Variants in CNTLN observed in about 807,000 individuals in gnomAD.
CNTLN encodes centlein, centrosomal protein.
A neutral mutation model predicts 180.0 loss-of-function variants in CNTLN; 212 were observed. The observed-to-expected ratio is 1.18, with a 90% CI of 1.05 to 1.32. CNTLN has a LOEUF of 1.32. Among genes scored for constraint, CNTLN ranks in the 40% most tolerant of loss-of-function variants. The pLI is 0.00. For missense variants in CNTLN, 2,095 were observed against 1,610.9 expected (o/e 1.30, Z -5.14); for synonymous variants, 722 against 563.1 (o/e 1.28, Z -3.99).
intron 18 of CNTLN, among the ~76,000 whole-genome samples, chr9:17,450,755 G>T (rs1830736764): frequency 1.3e-5 from 2 of 152,080 alleles, no homozygotes; most frequent in South Asian, 4.1e-4. Flanking sequence ...GTATATAAAT[G>T]AGTGATGCAG....
intron 18 of CNTLN, among the ~76,000 whole-genome samples, chr9:17,428,759 T>C (rs1179995685): frequency 6.6e-6 from 1 of 152,050 alleles, no homozygotes; most frequent in Non-Finnish European, 1.5e-5. Context: ...TAGTAGGCCT[T>C]CTTTACTATG....
intron 5 of CNTLN, among the ~76,000 whole-genome samples, chr9:17,255,340 G>T (rs1440180517): frequency 6.6e-6 from 1 of 151,640 alleles, no homozygotes; most frequent in Non-Finnish European, 1.5e-5. Flanking sequence ...TTTGGCCTTT[G>T]TTATGTTGAA....
Position 17,408,662 on chromosome 9 carries a change from G to A in CNTLN, c.2616-631G>A, listed in dbSNP as rs540503036. On this transcript the variant is annotated intron_variant, in intron 15 of 25. Coordinates refer to ENST00000380647, the MANE Select transcript of CNTLN (RefSeq NM_017738.4). ...TAAAAATACAAAAAATTAGTCAGGC[G>A]TGGTGATGGGCGCCTGTAGTCCCAG... 5.9e-5 allele frequency among the ~76,000 whole-genome samples: 9 copies of A among 152,116 alleles called. No individual in the cohort carries two copies. In the East Asian group the frequency reaches 7.8e-4, roughly 13 times the overall value.
intron 5 of CNTLN, among the ~76,000 whole-genome samples, chr9:17,269,686 C>T (rs1450240613): frequency 6.6e-6 from 1 of 152,012 alleles, no homozygotes; most frequent in Non-Finnish European, 1.5e-5. Context: ...TATGGTCTGT[C>T]ATGGAGAATG....
chr9:17,405,354 A>T (rs1827298728), intron 15 of CNTLN, among the ~76,000 whole-genome samples: 1 of 151,754 alleles, frequency 6.6e-6, no homozygotes, highest in South Asian at 2.1e-4. Context: ...TGGATAACTT[A>T]TAATGAAAGG....
rs370460738 is a variant in CNTLN, at chr9:17,395,082, T to C, written c.2615+13T>C. 71 of 1,592,812 alleles carry C rather than the reference T, an allele frequency of 4.5e-5. No individual in the cohort carries two copies. Among genetic ancestry groups the C allele is most frequent in the Non-Finnish European group, 7.7e-6 (9 of 1,167,846 alleles). On this transcript the variant is annotated intron_variant, in intron 15 of 25. Transcript: ENST00000380647. ...TGAGTGAAAGCAGGTAAGGCTCTCA[T>C]TAACTTAGCTCTGTGGTGGGGACAC...
chr9:17,313,430 C>G (rs1262103916), intron 8 of CNTLN, among the ~76,000 whole-genome samples: 3 of 149,934 alleles, frequency 2.0e-5, no homozygotes, highest in African/African-American at 7.4e-5. Context: ...TTTTTTTAAT[C>G]TAAAAGTTTT....
At chr9:17,292,730 G>T (rs1243100166) in intron 6 of CNTLN, among the ~76,000 whole-genome samples, 1 of 152,040 alleles carries the variant, frequency 6.6e-6, no homozygotes, top group Non-Finnish European at 1.5e-5. Flanking sequence ...TAGCTTCTTT[G>T]TATTGGGTTA....
At chr9:17,423,488 A>G (rs1365716813) in intron 18 of CNTLN, among the ~76,000 whole-genome samples, 1 of 151,882 alleles carries the variant, frequency 6.6e-6, no homozygotes, top group Non-Finnish European at 1.5e-5. Flanking sequence ...GGAGTCTCTC[A>G]CTGAGCTTCC....
chr9:17,221,644 G>A (rs1317483925), intron 2 of CNTLN, among the ~76,000 whole-genome samples: 1 of 152,028 alleles, frequency 6.6e-6, no homozygotes, highest in Non-Finnish European at 1.5e-5. Context: ...GAACCATGAT[G>A]ACAATGATCT....
chr9:17,345,316 C>T (rs954917883), intron 12 of CNTLN, among the ~76,000 whole-genome samples: 1 of 152,100 alleles, frequency 6.6e-6, no homozygotes, highest in Non-Finnish European at 1.5e-5. Context: ...CAGTTTCAAA[C>T]CATATCATTT....
intron 23 of CNTLN, among the ~76,000 whole-genome samples, chr9:17,479,532 G>C (rs1832527898): frequency 6.6e-6 from 1 of 152,224 alleles, no homozygotes; most frequent in African/African-American, 2.4e-5. Flanking sequence ...GAAGGGATTG[G>C]GGAGACTGAG....
At chr9:17,491,807 G>A (rs1419068348) in intron 25 of CNTLN, among the ~76,000 whole-genome samples, 5 of 152,168 alleles carry the variant, frequency 3.3e-5, no homozygotes, top group South Asian at 2.1e-4. Flanking sequence ...TTTCCCCAGT[G>A]TCCTCTCTGC....
intron 2 of CNTLN, among the ~76,000 whole-genome samples, chr9:17,205,046 C>T (rs915016339): frequency 5.9e-5 from 9 of 152,134 alleles, no homozygotes; most frequent in Non-Finnish European, 1.3e-4. Context: ...TCACCAAGCT[C>T]GATCATCCCA....
chr9:17,500,792 G>A (rs545385658), intron 25 of CNTLN, among the ~76,000 whole-genome samples: 3 of 147,056 alleles, frequency 2.0e-5, no homozygotes, highest in African/African-American at 7.4e-5. Flanking sequence ...GTAGTACTGC[G>A]TGACATCATT....
chr9:17,194,218 A>C (rs1821977128), intron 2 of CNTLN, among the ~76,000 whole-genome samples: 4 of 152,174 alleles, frequency 2.6e-5, no homozygotes, highest in Non-Finnish European at 5.9e-5. Flanking sequence ...TTCAGCTACT[A>C]GTTATTTTTG....
At chr9:17,424,020 T>A (rs1257361252) in intron 18 of CNTLN, among the ~76,000 whole-genome samples, 1 of 152,170 alleles carries the variant, frequency 6.6e-6, no homozygotes, top group Non-Finnish European at 1.5e-5. Flanking sequence ...AGGAAGGTGC[T>A]TTCTTCCCTG....
intron 18 of CNTLN, among the ~76,000 whole-genome samples, chr9:17,457,117 C>T (rs930793978): frequency 6.6e-6 from 1 of 152,214 alleles, no homozygotes; most frequent in Middle Eastern, 3.4e-3. Flanking sequence ...ATGGTAAGAC[C>T]TACCCAGTGG....
intron 5 of CNTLN, among the ~76,000 whole-genome samples, chr9:17,272,012 C>CCCCTCCCT (rs545504259): frequency 6.8e-6 from 1 of 146,816 alleles, no homozygotes; most frequent in Admixed American, 6.8e-5. Flanking sequence ...AGGATAGTGT[C>CCCCTCCCT]CCCTCCCTCC....
Sources: allele counts gnomAD v4.1 joint callset (sites outside exome capture counted in the v4.1 genomes callset), GRCh38; gene constraint gnomAD v4.1.1; transcripts MANE v1.5; gene names NCBI Gene and HGNC (gene_info 2026-07-23, HGNC 2026-07-21).